Variants in DCANP1 observed in about 807,000 individuals in gnomAD.
DCANP1 encodes dendritic cell nuclear protein 1.
For synonymous variants in DCANP1, 139 were observed against 124.2 expected (o/e 1.12, Z -0.79); for missense variants, 328 against 293.7 (o/e 1.12, Z -0.85).
At position 135,446,560 on chromosome 5, in the gene DCANP1, T is replaced by C. The variant is rs1431950291; in HGVS notation, c.549A>G (p.Pro183=). Residue 183 remains proline, a synonymous_variant, in exon 1 of 1, where the codon CCA becomes CCG. Transcript: ENST00000503143. ...TAGGAGAAAGTGAAGGTGGGTGCCATGGATCTGATGATTTCAGTGATTTTC... is the reference window on the plus strand; with the variant it reads ...TAGGAGAAAGTGAAGGTGGGTGCCACGGATCTGATGATTTCAGTGATTTTC... The part of the protein sequence containing the change: ...LSRKSLKSSD[P]WHPPSLSPNS... The C allele has an allele frequency of 6.2e-7, 1 of 1,613,932 alleles. No homozygotes were observed. The highest frequency in any genetic ancestry group is 8.5e-7 in the Non-Finnish European group (1 of 1,179,860).
In DCANP1 at chr5:135,446,747, C is replaced by T; in HGVS notation, c.362G>A (p.Gly121Asp). The change falls in exon 1 of 1, where the codon GGC becomes GAC. Residue 121 changes from glycine (G) to aspartate (D), a missense_variant. Coordinates refer to ENST00000503143, the MANE Select transcript of DCANP1 (RefSeq NM_130848.3). ...DELHSSRRKT[G>D]QTRREGARKH... ...CCGGGCTCCCTCCCGCCTGGTCTGG[C>T]CTGTCTTCCTTCTGCTGCTATGCAG... The T allele has an allele frequency of 2.5e-6, 4 of 1,613,982 alleles. No homozygotes were observed. Among genetic ancestry groups the T allele is most frequent in the Non-Finnish European group, 3.4e-6 (4 of 1,179,870 alleles).
rs573823024 is a variant in DCANP1, at chr5:135,445,376, T to G, written c.*998A>C. On this transcript the variant is annotated 3_prime_UTR_variant, in exon 1 of 1. Transcript: ENST00000503143. ...GCCAGAGGGTCTGTGCTGTCCCTGCTGAGGCCTACAGGAGGCAGAGACATT... is the reference window on the plus strand; with the variant it reads ...GCCAGAGGGTCTGTGCTGTCCCTGCGGAGGCCTACAGGAGGCAGAGACATT... The G allele has an allele frequency of 2.6e-5, 4 of 152,506 alleles. No homozygotes were observed. In the South Asian group the frequency reaches 8.3e-4, roughly 32 times the overall value. The allele number at this position is 152,506 out of a possible 1,614,324, so 9.4% of individuals were successfully genotyped here. A position where few individuals can be genotyped will look rare whatever the true frequency, so the allele number is the denominator to read the frequency against.
Position 135,447,266 on chromosome 5 carries a change from C to T in DCANP1, c.-158G>A, listed in dbSNP as rs576224327. ...GATGCAAGGAGCAGATTAAAATCCC[C>T]TCCCTGTTGCCTACCAGGTCCGTGG... On this transcript the variant is annotated 5_prime_UTR_variant, in exon 1 of 1. Coordinates refer to ENST00000503143, the MANE Select transcript of DCANP1 (RefSeq NM_130848.3). 3.5e-5 allele frequency: 30 copies of T among 845,608 alleles called. No homozygotes were observed. In the South Asian group the frequency reaches 5.4e-4, roughly 15 times the overall value. The allele number at this position is 845,608 out of a possible 1,614,324, so 52.4% of individuals were successfully genotyped here.
rs932665442 is a variant in DCANP1, at chr5:135,444,491, C to T, written c.*1883G>A. Reference sequence around the variant, plus strand: ...GGTACTGTGGCGACATCAGCCACCACTACGTGTCACGGGGTGGATGCTGAG... The same window carrying T: ...GGTACTGTGGCGACATCAGCCACCATTACGTGTCACGGGGTGGATGCTGAG... On this transcript the variant is annotated 3_prime_UTR_variant, in exon 1 of 1. Transcript: ENST00000503143. 1.3e-5 allele frequency: 2 copies of T among 152,322 alleles called. No homozygotes were observed. Among genetic ancestry groups the T allele is most frequent in the African/African-American group, 2.4e-5 (1 of 41,452 alleles). 9.4% of individuals were successfully genotyped at this position (152,322 alleles called of 1,614,324 possible).
chr5:135,446,893 C>T lies in DCANP1; in HGVS notation c.216G>A (p.Arg72=). The T allele has an allele frequency of 6.2e-7, 1 of 1,613,560 alleles. No individual in the cohort carries two copies. Among genetic ancestry groups the T allele is most frequent in the Non-Finnish European group, 8.5e-7 (1 of 1,179,668 alleles). ...GGACCCCAGCTGGCAAGGTTTTGTTCCTCCCTGGAGGGTAGAGACCCTCAC... is the reference window on the plus strand; with the variant it reads ...GGACCCCAGCTGGCAAGGTTTTGTTTCTCCCTGGAGGGTAGAGACCCTCAC... The part of the protein sequence containing the change: ...GLSEGLYPPG[R]NKTLPAGVLR... The change falls in exon 1 of 1, where the codon AGG becomes AGA. Residue 72 remains arginine, a synonymous_variant. Coordinates refer to ENST00000503143, the MANE Select transcript of DCANP1 (RefSeq NM_130848.3).
At position 135,446,689 on chromosome 5, in the gene DCANP1, C is replaced by A. The variant is rs372976487; in HGVS notation, c.420G>T (p.Pro140=). The change falls in exon 1 of 1, where the codon CCG becomes CCT. Residue 140 remains proline, a synonymous_variant. Coordinates refer to ENST00000503143, the MANE Select transcript of DCANP1 (RefSeq NM_130848.3). ...KHLVCSFRLY[P]FTVHTVSPGN... is the part of the protein sequence containing the mutation. ...CCGGTGAGACTGTGTGAACTGTGAACGGGTAGAGTCTGAAACTACAAACCA... is the reference window on the plus strand; with the variant it reads ...CCGGTGAGACTGTGTGAACTGTGAAAGGGTAGAGTCTGAAACTACAAACCA... 2 of 1,613,760 alleles carry A rather than the reference C, an allele frequency of 1.2e-6. No individual in the cohort carries two copies. Among genetic ancestry groups the A allele is most frequent in the Admixed American group, 1.7e-5 (1 of 60,024 alleles).
chr5:135,446,588 C>T lies in DCANP1; in HGVS notation c.521G>A (p.Ser174Asn). 1 of 1,613,982 alleles carries T rather than the reference C, an allele frequency of 6.2e-7. No homozygotes were observed. The highest frequency in any genetic ancestry group is 8.5e-7 in the Non-Finnish European group (1 of 1,179,884). Residue 174 changes from serine to asparagine, a missense_variant, in exon 1 of 1, where the codon AGT (serine) becomes AAT (asparagine). Physicochemically the swap from Ser to Asn is conservative, Grantham distance 46. Coordinates refer to ENST00000503143, the MANE Select transcript of DCANP1 (RefSeq NM_130848.3). ...ATCTGATGATTTCAGTGATTTTCTA[C>T]TCAAGAAAAATGAAGTCTCGGATGG... ...LCPSETSFFLSRKSLKSSDPW... is the reference protein window; with the variant it reads ...LCPSETSFFLNRKSLKSSDPW...
rs572376932 is a variant in DCANP1 at position 135,446,322 on chromosome 5, C to A, written c.*52G>T. 4 of 1,538,288 alleles carry A rather than the reference C, an allele frequency of 2.6e-6. No homozygotes were observed. The Admixed American group carries it at 5.8e-5, about 22-fold the overall frequency. On this transcript the variant is annotated 3_prime_UTR_variant, in exon 1 of 1. Transcript: ENST00000503143. ...GCAGCGTTCATGTGCACTGTATGTT[C>A]GTGTTTAGTGTATGTCTGTGCATAC...
rs1292553169 is a variant in DCANP1 at position 135,446,803 on chromosome 5, T to C, written c.306A>G (p.Ala102=). The change falls in exon 1 of 1, where the codon GCA becomes GCG. Residue 102 remains alanine (A), a synonymous_variant. Coordinates refer to ENST00000503143, the MANE Select transcript of DCANP1 (RefSeq NM_130848.3). ...GLCNSNLSSE[A]SARPSGTQDE... is the part of the protein sequence containing the mutation. ...CCTGGGTCCCTGAGGGCCTCGCAGA[T>C]GCTTCACTCGAAAGATTGGAGTTGC... 9.3e-6 allele frequency: 15 copies of C among 1,613,800 alleles called. No homozygotes were observed. Among genetic ancestry groups the C allele is most frequent in the South Asian group, 3.3e-5 (3 of 91,078 alleles).
At position 135,446,423 on chromosome 5, in the gene DCANP1, G is replaced by A. The variant is rs763417638; in HGVS notation, c.686C>T (p.Pro229Leu). 10 of 1,612,344 alleles carry A rather than the reference G, an allele frequency of 6.2e-6. No individual in the cohort carries two copies. In the East Asian group the frequency reaches 1.1e-4, roughly 18 times the overall value. The stretch of plus-strand genomic sequence containing the variant: ...GCGGTGGGAGCTGAGAGAATGCAGT[G>A]GAGGTTGTTGGGAGGAACTCACCCG... ...SRRVSSSQQPPLHSLSSHRRA... is the reference protein window; with the variant it reads ...SRRVSSSQQPLLHSLSSHRRA... The change falls in exon 1 of 1, where the codon CCA becomes CTA. Residue 229 changes from proline to leucine, a missense_variant. By Grantham distance (98) the Pro-to-Leu change is moderately conservative (BLOSUM62 -3). Coordinates refer to ENST00000503143, the MANE Select transcript of DCANP1 (RefSeq NM_130848.3).
chr5:135,446,462 T>A lies in DCANP1; in HGVS notation c.647A>T (p.Asp216Val). 1 of 1,613,802 alleles carries A rather than the reference T, an allele frequency of 6.2e-7. No individual in the cohort carries two copies. Among genetic ancestry groups the A allele is most frequent in the Non-Finnish European group, 8.5e-7 (1 of 1,179,758 alleles). ...GGAACTCACCCGCCTGCTCTGGCTG[T>A]CTGAGCAGGTGAGGGATAGTGATAT... The part of the protein sequence containing the change: ...HLISLSLTCS[D>V]SQSRRVSSSQ... Residue 216 changes from aspartate to valine, a missense_variant, in exon 1 of 1, where the codon GAC (aspartate) becomes GTC (valine). Physicochemically the swap from Asp to Val is radical, Grantham distance 152. Transcript: ENST00000503143.
rs1373662123 is a variant in DCANP1, at chr5:135,446,674, T to C, written c.435A>G (p.Thr145=). Residue 145 remains threonine, a synonymous_variant, in exon 1 of 1, where the codon ACA becomes ACG. Transcript: ENST00000503143. ...SFRLYPFTVH[T]VSPGNSHLAL... ...CAAGGTGTGAGTTTCCCGGTGAGACTGTGTGAACTGTGAACGGGTAGAGTC... is the reference window on the plus strand; with the variant it reads ...CAAGGTGTGAGTTTCCCGGTGAGACCGTGTGAACTGTGAACGGGTAGAGTC... 1.2e-6 allele frequency: 2 copies of C among 1,613,904 alleles called. No homozygotes were observed. Among genetic ancestry groups the C allele is most frequent in the South Asian group, 1.1e-5 (1 of 91,076 alleles).
At position 135,447,279 on chromosome 5, in the gene DCANP1, AC is replaced by A; in HGVS notation, c.-172del. The stretch of plus-strand genomic sequence containing the variant: ...GATTAAAATCCCCTCCCTGTTGCCT[AC>A]CAGGTCCGTGGCTACAACTAAATCC... On this transcript the variant is annotated 5_prime_UTR_variant, in exon 1 of 1. Coordinates refer to ENST00000503143, the MANE Select transcript of DCANP1 (RefSeq NM_130848.3). 2 of 773,254 alleles carry A rather than the reference AC, an allele frequency of 2.6e-6. No homozygotes were observed. The highest frequency in any genetic ancestry group is 4.2e-6 in the Non-Finnish European group (2 of 478,902). 47.9% of individuals were successfully genotyped at this position (773,254 alleles called of 1,614,324 possible).
In DCANP1 at chr5:135,446,306, A is replaced by T. The variant is rs1173943877; in HGVS notation, c.*68T>A. 16 of 1,522,332 alleles carry T rather than the reference A, an allele frequency of 1.1e-5. No homozygotes were observed. The highest frequency in any genetic ancestry group is 1.4e-5 in the Non-Finnish European group (16 of 1,133,488). The allele number at this position is 1,522,332 out of a possible 1,614,324, so 94.3% of individuals were successfully genotyped here. A position where few individuals can be genotyped will look rare whatever the true frequency, so the allele number is the denominator to read the frequency against. On this transcript the variant is annotated 3_prime_UTR_variant, in exon 1 of 1. Coordinates refer to ENST00000503143, the MANE Select transcript of DCANP1 (RefSeq NM_130848.3). Reference sequence around the variant, plus strand: ...AGGGCCCTAGCTGGGAGCAGCGTTCATGTGCACTGTATGTTCGTGTTTAGT... The same window carrying T: ...AGGGCCCTAGCTGGGAGCAGCGTTCTTGTGCACTGTATGTTCGTGTTTAGT...
At position 135,446,717 on chromosome 5, in the gene DCANP1, T is replaced by G. The variant is rs1159075222; in HGVS notation, c.392A>C (p.His131Pro). The change falls in exon 1 of 1, where the codon CAT (histidine) becomes CCT (proline). Residue 131 changes from histidine to proline, a missense_variant. His to Pro is a moderately conservative substitution (Grantham distance 77). Coordinates refer to ENST00000503143, the MANE Select transcript of DCANP1 (RefSeq NM_130848.3). ...GTAGAGTCTGAAACTACAAACCAGA[T>G]GTTTCCGGGCTCCCTCCCGCCTGGT... ...GQTRREGARK[H>P]LVCSFRLYPF... is the part of the protein sequence containing the mutation. The G allele has an allele frequency of 3.7e-6, 6 of 1,613,762 alleles. No individual in the cohort carries two copies. The highest frequency in any genetic ancestry group is 5.1e-6 in the Non-Finnish European group (6 of 1,179,792).
rs555982123 is a variant in DCANP1 at position 135,446,278 on chromosome 5, C to A, written c.*96G>T. The A allele has an allele frequency of 4.1e-6, 6 of 1,455,928 alleles. No homozygotes were observed. The African/African-American group carries it at 8.5e-5, about 21-fold the overall frequency. 90.2% of individuals were successfully genotyped at this position (1,455,928 alleles called of 1,614,324 possible). ...ATTCTAACCCAGGCAGCAGTCTGAC[C>A]AGAGGGCCCTAGCTGGGAGCAGCGT... is the stretch of plus-strand genomic sequence containing the variant. On this transcript the variant is annotated 3_prime_UTR_variant, in exon 1 of 1. Transcript: ENST00000503143.
chr5:135,446,685 T>C lies in DCANP1; in HGVS notation c.424A>G (p.Thr142Ala). 6.2e-7 allele frequency: 1 copy of C among 1,613,916 alleles called. No homozygotes were observed. Among genetic ancestry groups the C allele is most frequent in the Non-Finnish European group, 8.5e-7 (1 of 1,179,792 alleles). The change falls in exon 1 of 1, where the codon ACA becomes GCA. Residue 142 changes from threonine (T) to alanine (A), a missense_variant. Thr to Ala is a moderately conservative substitution (Grantham distance 58, BLOSUM62 0). Coordinates refer to ENST00000503143, the MANE Select transcript of DCANP1 (RefSeq NM_130848.3). The stretch of plus-strand genomic sequence containing the variant: ...TTTCCCGGTGAGACTGTGTGAACTG[T>C]GAACGGGTAGAGTCTGAAACTACAA... ...LVCSFRLYPF[T>A]VHTVSPGNSH...
At position 135,446,669 on chromosome 5, in the gene DCANP1, G is replaced by A; in HGVS notation, c.440C>T (p.Ser147Leu). 6.2e-7 allele frequency: 1 copy of A among 1,614,002 alleles called. No individual in the cohort carries two copies. The highest frequency in any genetic ancestry group is 1.3e-5 in the African/African-American group (1 of 75,072). ...CAGGGCAAGGTGTGAGTTTCCCGGT[G>A]AGACTGTGTGAACTGTGAACGGGTA... ...RLYPFTVHTV[S>L]PGNSHLALYQ... Residue 147 changes from serine (S) to leucine (L), a missense_variant, in exon 1 of 1, where the codon TCA becomes TTA. Coordinates refer to ENST00000503143, the MANE Select transcript of DCANP1 (RefSeq NM_130848.3).
Position 135,445,834 on chromosome 5 carries a change from C to A in DCANP1, c.*540G>T, listed in dbSNP as rs1175824062. Reference sequence around the variant, plus strand: ...TCCCTCGAGGGGAGCCCGTGTCTCTCACGGACAGCTTGGCAAGATTCACAT... The same window carrying A: ...TCCCTCGAGGGGAGCCCGTGTCTCTAACGGACAGCTTGGCAAGATTCACAT... On this transcript the variant is annotated 3_prime_UTR_variant, in exon 1 of 1. Transcript: ENST00000503143. 6.5e-6 allele frequency: 1 copy of A among 153,118 alleles called. No individual in the cohort carries two copies. The highest frequency in any genetic ancestry group is 2.4e-5 in the African/African-American group (1 of 41,476). 9.5% of individuals were successfully genotyped at this position (153,118 alleles called of 1,614,324 possible). A position where few individuals can be genotyped will look rare whatever the true frequency, so the allele number is the denominator to read the frequency against.
Sources: gnomAD v4.1 joint callset for allele counts on GRCh38, gnomAD v4.1.1 for gene constraint, MANE v1.5 for transcripts, NCBI Gene and HGNC (gene_info 2026-07-23, HGNC 2026-07-21) for gene names.